The following ABR variants were observed in gnomAD, a reference collection of about 807,000 sequenced individuals.
The protein encoded by ABR is ABR activator of RhoGEF and GTPase, also known as active breakpoint cluster region-related protein.
Under a neutral mutation model 107.2 loss-of-function variants are expected in ABR, and 35 were observed. That is an observed-to-expected ratio of 0.33 (90% CI 0.25 to 0.43). ABR has a LOEUF of 0.43. Among genes scored for constraint, ABR ranks in the 20% least tolerant of loss-of-function variants. The probability of loss-of-function intolerance (pLI) is 1.00; values close to 1 mark genes in which losing one functional copy is unlikely to be tolerated. For missense variants in ABR, 815 were observed against 1,115.2 expected (o/e 0.73, Z 3.83); for synonymous variants, 498 against 462.0 (o/e 1.08, Z -1.00).
intron 1 of ABR, among the ~76,000 whole-genome samples, chr17:1,205,885 T>G (rs977094599): frequency 6.6e-6 from 1 of 151,800 alleles, no homozygotes; most frequent in African/African-American, 2.4e-5. Flanking sequence ...GCGGTTGCAG[T>G]GAGCTGAGAT....
chr17:1,005,854 G>A lies in ABR; in HGVS notation c.*226C>T, dbSNP rs2069983775. The A allele has an allele frequency of 3.4e-6, 2 of 595,662 alleles. No homozygotes were observed. The highest frequency in any genetic ancestry group is 3.9e-5 in the South Asian group (2 of 51,260). The allele number at this position is 595,662 out of a possible 1,614,324, so 36.9% of individuals were successfully genotyped here. ...GCACGGAGCATCAGACACAACTAGA[G>A]GTATGGAGGGCAGGAGGTGGGATGC... On this transcript the variant is annotated 3_prime_UTR_variant, in exon 23 of 23. Coordinates refer to ENST00000302538, the MANE Select transcript of ABR (RefSeq NM_021962.5).
chr17:1,023,614 T>A (rs1293785830), intron 16 of ABR, among the ~76,000 whole-genome samples: 1 of 152,106 alleles, frequency 6.6e-6, no homozygotes, highest in African/African-American at 2.4e-5. Flanking sequence ...AAGTCCAAGA[T>A]GAGAGGCCTT....
chr17:1,226,292 C>T (rs992585789), intron 1 of ABR, among the ~76,000 whole-genome samples: 18 of 152,184 alleles, frequency 1.2e-4, no homozygotes, highest in Admixed American at 2.6e-4. Flanking sequence ...TTCCCTTAAT[C>T]GCTCCACTCT....
chr17:1,065,761 T>C (rs2034660477), intron 10 of ABR, among the ~76,000 whole-genome samples: 1 of 84,022 alleles, frequency 1.2e-5, no homozygotes, highest in Non-Finnish European at 2.5e-5. Flanking sequence ...TTTTTTTTTT[T>C]TTTTGAGACA....
At position 1,100,767 on chromosome 17, in the gene ABR, A is replaced by G. The variant is rs201705355; in HGVS notation, c.247-32T>C. The G allele has an allele frequency of 1.6e-4, 264 of 1,608,774 alleles. 1 individual carries two copies. In the African/African-American group the frequency reaches 3.3e-3, roughly 20 times the overall value. ...AAACGCAAAGCACAGCCAACAGCTC[A>G]TGAGCAAGGAGGCCAAAACCCTGCG... On this transcript the variant is annotated intron_variant, in intron 2 of 22. Transcript: ENST00000302538.
chr17:1,188,497 C>T (rs2042362441), upstream of ABR, among the ~76,000 whole-genome samples: 1 of 151,198 alleles, frequency 6.6e-6, no homozygotes, highest in South Asian at 2.1e-4. Flanking sequence ...TTGCAGTGAA[C>T]CAAGATCGCA....
intron 16 of ABR, among the ~76,000 whole-genome samples, chr17:1,043,555 CT>C (rs1356250004): frequency 6.6e-6 from 1 of 152,198 alleles, no homozygotes; most frequent in East Asian, 1.9e-4. Flanking sequence ...GAGATAGACT[CT>C]TGCTCTGTCA....
chr17:1,102,440 C>G (rs914269336), intron 2 of ABR, among the ~76,000 whole-genome samples: 1 of 152,236 alleles, frequency 6.6e-6, no homozygotes, highest in African/African-American at 2.4e-5. Context: ...TGAACTCACT[C>G]CCCTAGAGCA....
chr17:1,174,729 G>A (rs1393486713), intron 1 of ABR, among the ~76,000 whole-genome samples: 1 of 152,228 alleles, frequency 6.6e-6, no homozygotes, highest in Admixed American at 6.5e-5. Flanking sequence ...GCTCAGCAGG[G>A]AAGGTATGTT....
At chr17:1,021,539 C>G (rs543186794) in intron 16 of ABR, among the ~76,000 whole-genome samples, 1 of 152,252 alleles carries the variant, frequency 6.6e-6, no homozygotes, top group Non-Finnish European at 1.5e-5. Flanking sequence ...GGTGCGGTGG[C>G]TCACGCCTGT....
chr17:1,204,889 C>CTT (rs1325363931), intron 1 of ABR, among the ~76,000 whole-genome samples: 1 of 126,746 alleles, frequency 7.9e-6, no homozygotes, highest in African/African-American at 2.9e-5. Flanking sequence ...TTTTTCTTTT[C>CTT]TTTTTCTTTT....
In ABR at chr17:1,078,782, C is replaced by T. The variant is rs1597710831; in HGVS notation, c.700+548G>A. 1 of 1,531,864 alleles carries T rather than the reference C, an allele frequency of 6.5e-7. No homozygotes were observed. The highest frequency in any genetic ancestry group is 8.7e-7 in the Non-Finnish European group (1 of 1,143,678). The allele number at this position is 1,531,864 out of a possible 1,614,324, so 94.9% of individuals were successfully genotyped here. ...AGCCGGCCCCCAGAGGTGGGAGGGT[C>T]CGCCACCTCCCACAGCGAGCACCTG... is the stretch of plus-strand genomic sequence containing the variant. On this transcript the variant is annotated intron_variant, in intron 6 of 22. Transcript: ENST00000302538. The surrounding 1 kb of genome is among the most constrained non-coding windows in gnomAD (Gnocchi z 7.5).
chr17:1,199,916 C>T (rs1465744012), intron 1 of ABR, among the ~76,000 whole-genome samples: 1 of 134,396 alleles, frequency 7.4e-6, no homozygotes, highest in Non-Finnish European at 1.6e-5. Flanking sequence ...TATAATAGAG[C>T]TCTTTTTTCT....
chr17:1,217,065 C>T (rs1333026980), intron 1 of ABR, among the ~76,000 whole-genome samples: 5 of 152,168 alleles, frequency 3.3e-5, no homozygotes, highest in South Asian at 2.1e-4. Context: ...ATGGGACATG[C>T]GGCGGCTTTC....
chr17:1,103,099 A>G (rs1220071354), intron 2 of ABR, among the ~76,000 whole-genome samples: 1 of 152,166 alleles, frequency 6.6e-6, no homozygotes, highest in Non-Finnish European at 1.5e-5. Context: ...CAGCATTAGA[A>G]AAGCAAGACA....
chr17:1,064,337 C>G (rs2034431117), intron 10 of ABR, among the ~76,000 whole-genome samples: 1 of 117,386 alleles, frequency 8.5e-6, no homozygotes, highest in Non-Finnish European at 1.8e-5. Flanking sequence ...GTTATGTGAA[C>G]TGAGGGCTAT....
chr17:1,015,381 T>A (rs1390427426), intron 16 of ABR, among the ~76,000 whole-genome samples: 1 of 142,370 alleles, frequency 7.0e-6, no homozygotes, highest in Non-Finnish European at 1.5e-5. Flanking sequence ...ATCACACCAC[T>A]GCACTCCAGC....
chr17:1,109,984 CCCCACCTCCTCTGAGCAGCCT>C (rs2038568731), intron 2 of ABR, among the ~76,000 whole-genome samples: 1 of 134,652 alleles, frequency 7.4e-6, no homozygotes, highest in Non-Finnish European at 1.6e-5. Flanking sequence ...AGACCAGGAC[CCCCACCTCCTCTGAGCAGCCT>C]CCCACCTACT....
chr17:1,087,143 G>A (rs1041843459), intron 4 of ABR, among the ~76,000 whole-genome samples: 1 of 152,202 alleles, frequency 6.6e-6, no homozygotes, highest in African/African-American at 2.4e-5. Context: ...TGGTTTAAAT[G>A]TTTTTCAATA....
Sources: gnomAD v4.1 joint callset for allele counts (sites outside exome capture counted in the v4.1 genomes callset) on GRCh38, gnomAD v4.1.1 for gene constraint, Gnocchi (gnomAD v3.1) non-coding constraint, MANE v1.5 for transcripts, NCBI Gene and HGNC (gene_info 2026-07-23, HGNC 2026-07-21) for gene names.